CDC14B: variants seen among roughly 807,000 people sequenced by gnomAD.
The protein encoded by CDC14B is cell division cycle 14B.
Under a neutral mutation model 64.2 loss-of-function variants are expected in CDC14B, and 22 were observed. That is an observed-to-expected ratio of 0.34 (90% CI 0.24 to 0.49). The LOEUF is 0.49. CDC14B is among the 20% of genes least tolerant of loss of function. CDC14B has a pLI of 0.99. For synonymous variants in CDC14B, 191 were observed against 215.8 expected, an observed-to-expected ratio of 0.89 and a Z score of 1.01; for missense variants, 498 against 629.9, an observed-to-expected ratio of 0.79 and a Z score of 2.24.
At chr9:96,560,582 C>CTTTTTTTTTTTTTT (rs373160930) in intron 4 of CDC14B, among the ~76,000 whole-genome samples, 3 of 127,692 alleles carry the variant, frequency 2.3e-5, no homozygotes, top group African/African-American at 9.5e-5. Flanking sequence ...TTTTCTCTTT[C>CTTTTTTTTTTTTTT]TCTTTTTTTT....
At chr9:96,584,556 T>G (rs574751409) in intron 1 of CDC14B, among the ~76,000 whole-genome samples, 192 of 152,348 alleles carry the variant, frequency 1.3e-3, no homozygotes, top group Non-Finnish European at 2.0e-3. Context: ...GGTTACATTC[T>G]AATTTTTCCA....
At chr9:96,571,314 T>C (rs188016958) in intron 1 of CDC14B, among the ~76,000 whole-genome samples, 44 of 152,174 alleles carry the variant, frequency 2.9e-4, no homozygotes, top group Admixed American at 7.2e-4. Flanking sequence ...TAGCTGGGAC[T>C]ACAGGCGTGT....
At chr9:96,585,300 G>A (rs139918614) in intron 1 of CDC14B, among the ~76,000 whole-genome samples, 206 of 151,380 alleles carry the variant, frequency 1.4e-3, no homozygotes, top group African/African-American at 4.0e-3. Flanking sequence ...CCATCAACCC[G>A]TCATCTAGGT....
At chr9:96,534,278 AC>A (rs1207566896) in intron 8 of CDC14B, 121 bp from the exon 9 acceptor site, 9 of 787,732 alleles carry the variant, frequency 1.1e-5, no homozygotes, top group Admixed American at 2.9e-5. Flanking sequence ...TTTGATTATA[AC>A]TGTAAAAAAC....
At chr9:96,503,810 A>G (rs1400366410) in intron 13 of CDC14B, 21 bp from the exon 14 acceptor site, 2 of 1,607,714 alleles carry the variant, frequency 1.2e-6, no homozygotes, top group Admixed American at 1.7e-5. Flanking sequence ...AAAAAAAAGG[A>G]TTTTTACCAG....
chr9:96,565,651 G>T, intron 1 of CDC14B, 168 bp from the exon 2 acceptor site: 1 of 649,964 alleles, frequency 1.5e-6, no homozygotes. Flanking sequence ...ATTTGGGTGG[G>T]AATAATCAAT....
At chr9:96,494,756 T>TCCCCTCCCGGCCCCTCC in intron 13 of CDC14B, among the ~76,000 whole-genome samples, 1 of 80,334 alleles carries the variant, frequency 1.2e-5, no homozygotes, top group East Asian at 4.0e-4. Context: ...CTTCCTCCCC[T>TCCCCTCCCGGCCCCTCC]CCCCTCCCGT....
At position 96,551,362 on chromosome 9, in the gene CDC14B, T is replaced by C. The variant is rs16911213; in HGVS notation, c.497+434A>G. On this transcript the variant is annotated intron_variant, in intron 5 of 13. Coordinates refer to ENST00000375241, the MANE Select transcript of CDC14B (RefSeq NM_033331.4). Reference sequence around the variant, plus strand: ...GTCTGGAACTCCTGGGCTCACGCAATCATTCCACCTTGGCATTCCAATATG... The same window carrying C: ...GTCTGGAACTCCTGGGCTCACGCAACCATTCCACCTTGGCATTCCAATATG... 1.5e-3 allele frequency among the ~76,000 whole-genome samples: 227 copies of C among 152,088 alleles called. 2 individuals are homozygous for C. Among genetic ancestry groups the C allele is most frequent in the South Asian group, 0.014 (65 of 4,804 alleles).
At chr9:96,588,505 T>G (rs1845584781) in intron 1 of CDC14B, among the ~76,000 whole-genome samples, 1 of 152,216 alleles carries the variant, frequency 6.6e-6, no homozygotes, top group Admixed American at 6.5e-5. Flanking sequence ...CTTGTTGTTT[T>G]TGCGATAGGG....
intron 1 of CDC14B, chr9:96,566,982 C>T: frequency 6.9e-7 from 1 of 1,444,006 alleles, no homozygotes; most frequent in Middle Eastern, 2.5e-4. Flanking sequence ...GACACGACAG[C>T]GCAACCCCGG....
At chr9:96,504,728 C>T (rs1308597376) in intron 13 of CDC14B, among the ~76,000 whole-genome samples, 1 of 152,144 alleles carries the variant, frequency 6.6e-6, no homozygotes, top group Non-Finnish European at 1.5e-5. Context: ...CCAGAGGCAA[C>T]GGAACAGGTG....
At chr9:96,610,166 G>C (rs1412360469) in intron 1 of CDC14B, among the ~76,000 whole-genome samples, 1 of 151,996 alleles carries the variant, frequency 6.6e-6, no homozygotes, top group East Asian at 1.9e-4. Context: ...TGAGGCATTT[G>C]AAAGTCAACG....
chr9:96,501,733 A>C lies in CDC14B; in HGVS notation c.*2020T>G, dbSNP rs768969407. The C allele has an allele frequency of 1.3e-5, 2 of 152,396 alleles. No individual in the cohort carries two copies. The highest frequency in any genetic ancestry group is 2.9e-5 in the Non-Finnish European group (2 of 68,046). 9.4% of individuals were successfully genotyped at this position (152,396 alleles called of 1,614,324 possible). A position where few individuals can be genotyped will look rare whatever the true frequency, so the allele number is the denominator to read the frequency against. On this transcript the variant is annotated 3_prime_UTR_variant, in exon 14 of 14. Coordinates refer to ENST00000375241, the MANE Select transcript of CDC14B (RefSeq NM_033331.4). ...AGCAGGCAACATGAAGAGGCAGTTT[A>C]TAAAATGAAAAAGGGCTGTGGTTCC... is the stretch of plus-strand genomic sequence containing the variant.
intron 1 of CDC14B, among the ~76,000 whole-genome samples, chr9:96,589,297 C>G (rs927330625): frequency 6.6e-6 from 1 of 151,354 alleles, no homozygotes; most frequent in South Asian, 2.1e-4. Context: ...TGAGATTGCG[C>G]CATTGCACTC....
chr9:96,551,541 T>C (rs1023992943), intron 5 of CDC14B, among the ~76,000 whole-genome samples: 2 of 152,048 alleles, frequency 1.3e-5, no homozygotes, highest in Admixed American at 6.6e-5. Flanking sequence ...TTTTGACAAT[T>C]AGAGTGGGTG....
chr9:96,578,115 C>T (rs891049407), intron 1 of CDC14B, among the ~76,000 whole-genome samples: 3 of 152,226 alleles, frequency 2.0e-5, no homozygotes, highest in Non-Finnish European at 2.9e-5. Context: ...CTGGAGCCAA[C>T]CTGAAAAACT....
chr9:96,492,915 A>C (rs1833123739), exon 14 of CDC14B: 1 of 152,178 alleles, frequency 6.6e-6, no homozygotes, highest in South Asian at 2.1e-4. Flanking sequence ...GGATGCTTTG[A>C]ACAAGACCCC....
In CDC14B at chr9:96,586,175, T is replaced by C. The variant is rs143431592; in HGVS notation, c.161-20692A>G. Among the ~76,000 whole-genome samples, 612 of 151,390 alleles carry C rather than the reference T, an allele frequency of 4.0e-3. 6 individuals carry two copies. Among genetic ancestry groups the C allele is most frequent in the African/African-American group, 0.013 (547 of 41,214 alleles). On this transcript the variant is annotated intron_variant, in intron 1 of 13. Coordinates refer to ENST00000375241, the MANE Select transcript of CDC14B (RefSeq NM_033331.4). Reference sequence around the variant, plus strand: ...AATTACACTTGATTTTTTTAAAACCTGGGGTGGGGGAGGGAAGGCCACCCA... The same window carrying C: ...AATTACACTTGATTTTTTTAAAACCCGGGGTGGGGGAGGGAAGGCCACCCA...
chr9:96,510,826 G>A (rs1014525649), intron 12 of CDC14B, among the ~76,000 whole-genome samples: 14 of 151,988 alleles, frequency 9.2e-5, no homozygotes, highest in African/African-American at 3.4e-4. Flanking sequence ...AGCTGGTCTC[G>A]AACTCCTGAT....
Sources: gnomAD v4.1 joint callset for allele counts (sites outside exome capture counted in the v4.1 genomes callset) on GRCh38, gnomAD v4.1.1 for gene constraint, MANE v1.5 for transcripts, NCBI Gene and HGNC (gene_info 2026-07-23, HGNC 2026-07-21) for gene names.